LRRC47: variants seen among roughly 807,000 people sequenced by gnomAD.
LRRC47 encodes leucine-rich repeat-containing protein 47.
LRRC47 carries 31 observed loss-of-function variants against 40.9 expected under a neutral mutation model. The ratio of observed to expected loss-of-function variants is 0.76; its 90% confidence interval spans 0.57 to 1.02. The LOEUF is 1.02. Ranked by LOEUF, LRRC47 falls within the 50% of genes least tolerant of loss-of-function variation. The pLI is 0.00. For missense variants in LRRC47, 726 were observed against 796.1 expected, an observed-to-expected ratio of 0.91 and a Z score of 1.06; for synonymous variants, 427 against 371.9, an observed-to-expected ratio of 1.15 and a Z score of -1.70.
intron 1 of LRRC47, among the ~76,000 whole-genome samples, chr1:3,792,153 T>C (rs57161695): frequency 0.021 from 3,231 of 152,302 alleles, 76 homozygotes; most frequent in East Asian, 0.11. Context: ...GTGTGCGAAA[T>C]TCCAATGTGC....
rs561927966 is a variant in LRRC47, at chr1:3,785,333, C to T, written c.1078-130G>A. 221 of 502,236 alleles carry T rather than the reference C, an allele frequency of 4.4e-4. 1 individual carries two copies. Among genetic ancestry groups the T allele is most frequent in the Admixed American group, 1.4e-3 (41 of 28,596 alleles). 31.1% of individuals were successfully genotyped at this position (502,236 alleles called of 1,614,324 possible). On this transcript the variant is annotated intron_variant, in intron 2 of 6. Transcript: ENST00000378251. ...GTCCAAGGTCTTCACAACCACGCCA[C>T]GCCCCTTTCCGAGACAGGGCTCCCC...
chr1:3,795,053 CAA>C (rs35186516), intron 1 of LRRC47, among the ~76,000 whole-genome samples: 3 of 61,638 alleles, frequency 4.9e-5, no homozygotes, highest in East Asian at 5.7e-4. Context: ...GACTACATCT[CAA>C]AAAAAAAAAA....
chr1:3,785,767 G>C (rs770663640), intron 2 of LRRC47, among the ~76,000 whole-genome samples: 40 of 152,292 alleles, frequency 2.6e-4, no homozygotes, highest in South Asian at 4.1e-4. Context: ...GTGCTGGCAA[G>C]AGTTGATGAC....
intron 2 of LRRC47, among the ~76,000 whole-genome samples, chr1:3,785,843 T>C (rs917499532): frequency 6.7e-6 from 1 of 150,074 alleles, no homozygotes; most frequent in Non-Finnish European, 1.5e-5. Context: ...CCCACCAAAA[T>C]ATCAAAAAAT....
chr1:3,785,006 A>T, intron 3 of LRRC47, 81 bp downstream of exon 3: 1 of 1,079,164 alleles, frequency 9.3e-7, no homozygotes, highest in Non-Finnish European at 1.3e-6. Flanking sequence ...AAAAAAAAAA[A>T]GTTCGGGCTG....
At position 3,781,219 on chromosome 1, in the gene LRRC47, C is replaced by T. The variant is rs1250620759; in HGVS notation, c.1621G>A (p.Gly541Arg). 1.2e-6 allele frequency: 2 copies of T among 1,614,232 alleles called. No individual in the cohort carries two copies. Among genetic ancestry groups the T allele is most frequent in the South Asian group, 2.2e-5 (2 of 91,088 alleles). Residue 541 changes from glycine (G) to arginine (R), a missense_variant, in exon 7 of 7, where the codon GGA (glycine) becomes AGA (arginine). Gly to Arg is a moderately radical substitution (Grantham distance 125). Transcript: ENST00000378251. ...ACCAGAAGGGAGGGCCCGTCCTTTC[C>T]AGCACTGGGATTCGTTGTGGGATCT... ...LPDPTTNPSA[G>R]KDGPSLLVVE...
Position 3,796,192 on chromosome 1 carries a change from G to C in LRRC47, c.285C>G (p.Leu95=). 1.4e-6 allele frequency: 2 copies of C among 1,436,658 alleles called. No individual in the cohort carries two copies. The allele number at this position is 1,436,658 out of a possible 1,614,324, so 89.0% of individuals were successfully genotyped here. Residue 95 remains leucine (L), a synonymous_variant, in exon 1 of 7, where the codon CTC becomes CTG. Transcript: ENST00000378251. Reference sequence around the variant, plus strand: ...GCACCCGAAGGGCAGGCAGCGGCCCGAGCTCGGGGCTCAGGCCGGGCCCCA... The same window carrying C: ...GCACCCGAAGGGCAGGCAGCGGCCCCAGCTCGGGGCTCAGGCCGGGCCCCA... The part of the protein sequence containing the change: ...NALGPGLSPE[L]GPLPALRVLD...
Position 3,787,181 on chromosome 1 carries a change from A to G in LRRC47, c.745T>C (p.Cys249Arg), listed in dbSNP as rs752971580. 8 of 1,613,892 alleles carry G rather than the reference A, an allele frequency of 5.0e-6. No homozygotes were observed. The highest frequency in any genetic ancestry group is 5.9e-6 in the Non-Finnish European group (7 of 1,180,040). Residue 249 changes from cysteine to arginine, a missense_variant, in exon 2 of 7, where the codon TGC becomes CGC. By Grantham distance (180) the Cys-to-Arg change is radical. Transcript: ENST00000378251. ...DKRLEKMVSG[C>R]QTRSILEYLR... Reference sequence around the variant, plus strand: ...TACTCCAGGATGGATCTGGTCTGGCAGCCGCTGACCATCTTCTCCAGGCGC... The same window carrying G: ...TACTCCAGGATGGATCTGGTCTGGCGGCCGCTGACCATCTTCTCCAGGCGC...
Position 3,782,744 on chromosome 1 carries a change from C to T in LRRC47, c.1330G>A (p.Gly444Arg). ...ACAAGACACGGGTAATTTTCATTTC[C>T]ATCCAGCAAGTGAAGGTATCTGTAT... The part of the protein sequence containing the change: ...GLHRYLHLLD[G>R]NENYPCLVDA... The change falls in exon 5 of 7, where the codon GGA becomes AGA. Residue 444 changes from glycine (G) to arginine (R), a missense_variant. Transcript: ENST00000378251. The T allele has an allele frequency of 6.2e-7, 1 of 1,608,414 alleles. No homozygotes were observed. Among genetic ancestry groups the T allele is most frequent in the South Asian group, 1.1e-5 (1 of 90,976 alleles).
chr1:3,787,486 T>C (rs1230620380), intron 1 of LRRC47, among the ~76,000 whole-genome samples, 176 bp from the exon 2 acceptor site: 3 of 152,162 alleles, frequency 2.0e-5, no homozygotes, highest in Non-Finnish European at 4.4e-5. Flanking sequence ...TCCCCAGCTC[T>C]GCACCCCACA....
chr1:3,795,873 C>G lies in LRRC47; in HGVS notation c.604G>C (p.Ala202Pro). 1 of 1,588,546 alleles carries G rather than the reference C, an allele frequency of 6.3e-7. No homozygotes were observed. The highest frequency in any genetic ancestry group is 8.5e-7 in the Non-Finnish European group (1 of 1,172,836). ...CAGCCCCCGCTGACCTTGAGCGAGG[C>G]CAGGTGGGCGATGTCGGGGCTGAGT... The part of the protein sequence containing the change: ...RELSPDIAHL[A>P]SLKTLDLSNN... The change falls in exon 1 of 7, where the codon GCC becomes CCC. Residue 202 changes from alanine (A) to proline (P), a missense_variant. By Grantham distance (27) the Ala-to-Pro change is conservative. Transcript: ENST00000378251.
chr1:3,796,287 G>T lies in LRRC47; in HGVS notation c.190C>A (p.Arg64Ser). 6.8e-7 allele frequency: 1 copy of T among 1,480,828 alleles called. No homozygotes were observed. The highest frequency in any genetic ancestry group is 8.9e-7 in the Non-Finnish European group (1 of 1,124,202). 91.7% of individuals were successfully genotyped at this position (1,480,828 alleles called of 1,614,324 possible). A position where few individuals can be genotyped will look rare whatever the true frequency, so the allele number is the denominator to read the frequency against. Residue 64 changes from arginine (R) to serine (S), a missense_variant, in exon 1 of 7, where the codon CGC becomes AGC. Physicochemically the swap from Arg to Ser is moderately radical, Grantham distance 110. Transcript: ENST00000378251. ...TGCGCCAGGCCAGGCCCCGGCGCGC[G>T]CAAGCTCCCGCAGCCGCTCACTTCC... The part of the protein sequence containing the change: ...YLEVSGCGSL[R>S]APGPGLAQGL...
At position 3,781,621 on chromosome 1, in the gene LRRC47, T is replaced by C. The variant is rs972410677; in HGVS notation, c.1414-20A>G. 1 of 1,585,556 alleles carries C rather than the reference T, an allele frequency of 6.3e-7. No homozygotes were observed. Among genetic ancestry groups the C allele is most frequent in the Non-Finnish European group, 8.6e-7 (1 of 1,157,322 alleles). On this transcript the variant is annotated intron_variant, in intron 5 of 6. Coordinates refer to ENST00000378251, the MANE Select transcript of LRRC47 (RefSeq NM_020710.3). ...CTTAACCTTAAAAGAAAAAAACATT[T>C]CAGAAAAGAACAGTTATCAAATGTA...
At chr1:3,786,729 C>T in intron 2 of LRRC47, 120 bp downstream of exon 2, 1 of 942,848 alleles carries the variant, frequency 1.1e-6, no homozygotes, top group Non-Finnish European at 1.5e-6. Flanking sequence ...CACACAGACA[C>T]CCGGCTGGGC....
chr1:3,796,404 G>C lies in LRRC47; in HGVS notation c.73C>G (p.Leu25Val). The change falls in exon 1 of 7, where the codon CTG (leucine) becomes GTG (valine). Residue 25 changes from leucine (L) to valine (V), a missense_variant. Coordinates refer to ENST00000378251, the MANE Select transcript of LRRC47 (RefSeq NM_020710.3). ...TCCTCCAGCCCGGGCCCCGTCAGCA[G>C]CAGCTCCCGCCGCCGCTCGCGCTCA... Reference protein sequence around the residue: ...LAERERRRELLLTGPGLEERV... With the variant: ...LAERERRRELVLTGPGLEERV... The C allele has an allele frequency of 6.6e-7, 1 of 1,516,296 alleles. No individual in the cohort carries two copies. 93.9% of individuals were successfully genotyped at this position (1,516,296 alleles called of 1,614,324 possible). A position where few individuals can be genotyped will look rare whatever the true frequency, so the allele number is the denominator to read the frequency against.
chr1:3,788,904 C>G (rs1442417416), intron 1 of LRRC47, among the ~76,000 whole-genome samples: 1 of 152,206 alleles, frequency 6.6e-6, no homozygotes, highest in East Asian at 1.9e-4. Flanking sequence ...GGGAAGAACA[C>G]AAGGCAGGGG....
chr1:3,784,708 T>G (rs1279572514), intron 3 of LRRC47, among the ~76,000 whole-genome samples: 3 of 152,176 alleles, frequency 2.0e-5, no homozygotes, highest in Non-Finnish European at 4.4e-5. Flanking sequence ...CTAAAGAAAA[T>G]GTTCAGGCCG....
At chr1:3,792,718 T>TA (rs1557644411) in intron 1 of LRRC47, among the ~76,000 whole-genome samples, 1 of 152,222 alleles carries the variant, frequency 6.6e-6, no homozygotes, top group Non-Finnish European at 1.5e-5. Context: ...CTTGGCCTCC[T>TA]AAAGTGCTGG....
chr1:3,796,478 G>A lies in LRRC47; in HGVS notation c.-2C>T, dbSNP rs777993298. 6.6e-6 allele frequency: 10 copies of A among 1,505,414 alleles called. No individual in the cohort carries two copies. The South Asian group carries it at 1.2e-4, about 19-fold the overall frequency. The allele number at this position is 1,505,414 out of a possible 1,614,324, so 93.3% of individuals were successfully genotyped here. On this transcript the variant is annotated 5_prime_UTR_variant, in exon 1 of 7. Coordinates refer to ENST00000378251, the MANE Select transcript of LRRC47 (RefSeq NM_020710.3). ...CTCTGACACCGCTGCCGCCGCCATG[G>A]CGCCTCAGCTGCTGGCAGGCACCCA...
Sources: allele counts gnomAD v4.1 joint callset (sites outside exome capture counted in the v4.1 genomes callset), GRCh38; gene constraint gnomAD v4.1.1; transcripts MANE v1.5; gene names NCBI Gene and HGNC (gene_info 2026-07-23, HGNC 2026-07-21).